Variants in SFMBT2 observed in about 807,000 individuals in gnomAD.
SFMBT2 encodes scm-like with four MBT domains protein 2.
A neutral mutation model predicts 110.1 loss-of-function variants in SFMBT2; 38 were observed. That is an observed-to-expected ratio of 0.35 (90% CI 0.27 to 0.45). SFMBT2 has a LOEUF of 0.45. Among genes scored for constraint, SFMBT2 ranks in the 20% least tolerant of loss-of-function variants. The probability of loss-of-function intolerance (pLI) is 1.00; values close to 1 mark genes in which losing one functional copy is unlikely to be tolerated. For synonymous variants in SFMBT2, 425 were observed against 425.4 expected, an observed-to-expected ratio of 1.00 and a Z score of 0.01; for missense variants, 1,011 against 1,094.9, an observed-to-expected ratio of 0.92 and a Z score of 1.08.
intron 1 of SFMBT2, among the ~76,000 whole-genome samples, chr10:7,388,524 ATTTT>A (rs60231769): frequency 5.1e-4 from 57 of 112,084 alleles, no homozygotes; most frequent in African/African-American, 1.8e-3. Context: ...TACCCAGCTA[ATTTT>A]TTTTTTTTTT....
intron 1 of SFMBT2, among the ~76,000 whole-genome samples, chr10:7,410,494 AAGG>A (rs1846343676): frequency 1.3e-5 from 2 of 152,112 alleles, no homozygotes; most frequent in Non-Finnish European, 2.9e-5. Flanking sequence ...GCGCCCGGGG[AAGG>A]AGGACACTTT....
At chr10:7,347,151 G>A (rs1297013091) in intron 4 of SFMBT2, among the ~76,000 whole-genome samples, 6 of 152,156 alleles carry the variant, frequency 3.9e-5, no homozygotes, top group African/African-American at 1.4e-4. Flanking sequence ...GAGCCCCACA[G>A]CTAGGGAGTA....
chr10:7,348,233 CG>C, intron 4 of SFMBT2: 1 of 1,442,782 alleles, frequency 6.9e-7, no homozygotes, highest in Non-Finnish European at 9.3e-7. Context: ...CGTGTGGGAT[CG>C]GGGAGTTGTT....
chr10:7,362,805 A>G (rs1316193121), intron 4 of SFMBT2, among the ~76,000 whole-genome samples: 1 of 152,248 alleles, frequency 6.6e-6, no homozygotes, highest in African/African-American at 2.4e-5. Flanking sequence ...ACCTAATGAC[A>G]GTGTCTCACA....
intron 1 of SFMBT2, among the ~76,000 whole-genome samples, chr10:7,399,521 T>C (rs1398316848): frequency 3.9e-5 from 6 of 152,202 alleles, no homozygotes; most frequent in Admixed American, 3.9e-4. Context: ...CGTGAGCCAC[T>C]GCGCCCAGCC....
intron 15 of SFMBT2, among the ~76,000 whole-genome samples, chr10:7,194,507 C>T (rs370410646): frequency 2.2e-4 from 34 of 152,290 alleles, no homozygotes; most frequent in African/African-American, 8.2e-4. Flanking sequence ...CTGCACATCT[C>T]CTACACATAA....
chr10:7,169,384 T>C (rs1837801983), intron 20 of SFMBT2, among the ~76,000 whole-genome samples: 1 of 152,164 alleles, frequency 6.6e-6, no homozygotes, highest in African/African-American at 2.4e-5. Context: ...ACTACTCTCT[T>C]TGGGTGGCAC....
At chr10:7,222,625 G>A (rs1259560171) in intron 10 of SFMBT2, among the ~76,000 whole-genome samples, 1 of 151,932 alleles carries the variant, frequency 6.6e-6, no homozygotes. Flanking sequence ...TTTACAGGTG[G>A]GGAAACTAGC....
At chr10:7,273,543 A>C (rs1485336440) in intron 7 of SFMBT2, among the ~76,000 whole-genome samples, 1 of 152,330 alleles carries the variant, frequency 6.6e-6, no homozygotes, top group African/African-American at 2.4e-5. Context: ...TTACATATGT[A>C]TACATGTGCC....
At chr10:7,251,504 G>A (rs1420181570) in intron 7 of SFMBT2, among the ~76,000 whole-genome samples, 1 of 152,058 alleles carries the variant, frequency 6.6e-6, no homozygotes, top group East Asian at 1.9e-4. Flanking sequence ...AGACAACCAT[G>A]TCCCCAGTAC....
intron 9 of SFMBT2, 85 bp downstream of exon 9, chr10:7,243,473 C>T: frequency 2.5e-6 from 2 of 813,480 alleles, no homozygotes; most frequent in Non-Finnish European, 4.2e-6. Context: ...AACCAGCCTC[C>T]CCAGATTAAT....
chr10:7,272,165 C>G (rs918625949), intron 7 of SFMBT2, among the ~76,000 whole-genome samples: 4 of 152,162 alleles, frequency 2.6e-5, no homozygotes, highest in African/African-American at 9.7e-5. Context: ...AGAGTCCAAA[C>G]AACAAGATTC....
chr10:7,315,090 A>AAGAAAGAAAGAG (rs1564435551), intron 4 of SFMBT2, among the ~76,000 whole-genome samples: 2 of 145,992 alleles, frequency 1.4e-5, no homozygotes, highest in African/African-American at 5.1e-5. Context: ...GAAAGAAAGA[A>AAGAAAGAAAGAG]AGAAAGAAAG....
chr10:7,310,708 T>C (rs867867208), intron 4 of SFMBT2, among the ~76,000 whole-genome samples: 15 of 152,158 alleles, frequency 9.9e-5, no homozygotes, highest in African/African-American at 3.4e-4. Flanking sequence ...GCTAGCTCCA[T>C]AGAGGAAACA....
intron 7 of SFMBT2, among the ~76,000 whole-genome samples, chr10:7,276,412 G>A (rs1439028960): frequency 6.6e-6 from 1 of 152,132 alleles, no homozygotes; most frequent in African/African-American, 2.4e-5. Flanking sequence ...CTTGTAATAT[G>A]GGTCATTATG....
At chr10:7,215,832 G>C (rs759790936) in intron 11 of SFMBT2, 47 of 632,758 alleles carry the variant, frequency 7.4e-5, no homozygotes, top group Non-Finnish European at 8.7e-5. Context: ...GAACACAGTA[G>C]ACAAACTCGC....
At chr10:7,397,519 CTCATT>C (rs958878532) in intron 1 of SFMBT2, among the ~76,000 whole-genome samples, 3 of 152,110 alleles carry the variant, frequency 2.0e-5, no homozygotes, top group African/African-American at 7.2e-5. Flanking sequence ...AGAAAGCTGT[CTCATT>C]TCACACTCCA....
chr10:7,321,136 A>C (rs1337307870), intron 4 of SFMBT2, among the ~76,000 whole-genome samples: 2 of 151,946 alleles, frequency 1.3e-5, no homozygotes, highest in Admixed American at 6.5e-5. Flanking sequence ...AAAAAAGAAA[A>C]GGTGGATCTC....
chr10:7,378,826 GA>G (rs1845346273), intron 2 of SFMBT2, among the ~76,000 whole-genome samples: 1 of 151,170 alleles, frequency 6.6e-6, no homozygotes, highest in Non-Finnish European at 1.5e-5. Flanking sequence ...GTGTGGGTGT[GA>G]GTGTATGGAT....
Sources: allele counts gnomAD v4.1 joint callset (sites outside exome capture counted in the v4.1 genomes callset), GRCh38; gene constraint gnomAD v4.1.1; transcripts MANE v1.5; gene names NCBI Gene and HGNC (gene_info 2026-07-23, HGNC 2026-07-21).